CCBE1: variants seen among roughly 807,000 people sequenced by gnomAD.
CCBE1 encodes the protein collagen and calcium-binding EGF domain-containing protein 1.
A neutral mutation model predicts 50.0 loss-of-function variants in CCBE1; 37 were observed. The ratio of observed to expected loss-of-function variants is 0.74; its 90% CI spans 0.57 to 0.97. The LOEUF (loss-of-function observed/expected upper bound fraction) is 0.97, where lower values mean the gene tolerates loss of function less well. CCBE1 is among the 50% of genes least tolerant of loss of function. The pLI is 0.00. For synonymous variants in CCBE1, 234 were observed against 203.7 expected, an observed-to-expected ratio of 1.15 and a Z score of -1.27; for missense variants, 538 against 523.8, an observed-to-expected ratio of 1.03 and a Z score of -0.26.
chr18:59,444,604 C>T (rs1173963361), intron 7 of CCBE1, among the ~76,000 whole-genome samples: 2 of 151,852 alleles, frequency 1.3e-5, no homozygotes, highest in Admixed American at 1.3e-4. Context: ...GTAGCCTCGA[C>T]CTCCTGGGCT....
At chr18:59,475,377 T>C (rs1912258009) in intron 3 of CCBE1, among the ~76,000 whole-genome samples, 1 of 152,196 alleles carries the variant, frequency 6.6e-6, no homozygotes, top group Non-Finnish European at 1.5e-5. Flanking sequence ...AATGGTTCGC[T>C]CCTGTATTTA....
chr18:59,666,832 G>C (rs75119971), intron 2 of CCBE1, among the ~76,000 whole-genome samples: 1,815 of 152,250 alleles, frequency 0.012, 32 homozygotes, highest in African/African-American at 0.042. Context: ...GGGTGTGGTG[G>C]TGCGTGCCTG....
intron 2 of CCBE1, among the ~76,000 whole-genome samples, chr18:59,598,779 C>CGG (rs2053390718): frequency 6.6e-6 from 1 of 152,176 alleles, no homozygotes; most frequent in Non-Finnish European, 1.5e-5. Flanking sequence ...AGCTGGAGAT[C>CGG]GGGCTCAATT....
intron 2 of CCBE1, among the ~76,000 whole-genome samples, chr18:59,633,208 G>A (rs2053872639): frequency 6.6e-6 from 1 of 152,114 alleles, no homozygotes; most frequent in East Asian, 1.9e-4. Context: ...AAGTATTTAT[G>A]CAATTACACA....
At chr18:59,602,775 G>A (rs1378942624) in intron 2 of CCBE1, among the ~76,000 whole-genome samples, 1 of 152,190 alleles carries the variant, frequency 6.6e-6, no homozygotes. Flanking sequence ...GCCTGAACAA[G>A]GGTTAAGTGC....
chr18:59,541,777 G>C (rs549952739), intron 2 of CCBE1, among the ~76,000 whole-genome samples: 1 of 152,220 alleles, frequency 6.6e-6, no homozygotes, highest in South Asian at 2.1e-4. Context: ...ATTGGTGAGG[G>C]GATGTGATGG....
intron 2 of CCBE1, among the ~76,000 whole-genome samples, chr18:59,492,144 CAAAAAAAAAAAAA>C (rs869190811): frequency 1.3e-5 from 1 of 78,424 alleles, no homozygotes; most frequent in Non-Finnish European, 2.4e-5. Flanking sequence ...GACTTTGTCT[CAAAAAAAAAAAAA>C]AAAAAAAAAA....
At chr18:59,460,512 T>G (rs1047072524) in intron 5 of CCBE1, among the ~76,000 whole-genome samples, 1 of 152,250 alleles carries the variant, frequency 6.6e-6, no homozygotes, top group East Asian at 1.9e-4. Context: ...CTTTTTGGCC[T>G]GTGACATTTC....
At chr18:59,457,017 C>A (rs1367465045) in intron 5 of CCBE1, among the ~76,000 whole-genome samples, 1 of 152,218 alleles carries the variant, frequency 6.6e-6, no homozygotes, top group African/African-American at 2.4e-5. Flanking sequence ...AGTTGCGTTT[C>A]CACAAGTGAC....
chr18:59,646,490 G>C (rs2054056787), intron 2 of CCBE1, among the ~76,000 whole-genome samples: 1 of 152,208 alleles, frequency 6.6e-6, no homozygotes, highest in African/African-American at 2.4e-5. Flanking sequence ...GTGAGAGACG[G>C]ATGAGGGTCT....
intron 2 of CCBE1, among the ~76,000 whole-genome samples, chr18:59,523,679 A>G (rs1012035362): frequency 1.3e-5 from 2 of 152,190 alleles, no homozygotes; most frequent in Non-Finnish European, 2.9e-5. Context: ...TTTGAAGACA[A>G]TCATGAGTAG....
chr18:59,465,176 G>T (rs1911681699), intron 5 of CCBE1, among the ~76,000 whole-genome samples: 1 of 152,186 alleles, frequency 6.6e-6, no homozygotes, highest in Non-Finnish European at 1.5e-5. Flanking sequence ...AAAGGCCCTT[G>T]ACATGTAGGC....
chr18:59,531,865 G>A (rs925576665), intron 2 of CCBE1, among the ~76,000 whole-genome samples: 3 of 152,164 alleles, frequency 2.0e-5, no homozygotes, highest in East Asian at 1.9e-4. Context: ...ACTCAAGACC[G>A]AAACAAGTAG....
chr18:59,648,551 C>CA (rs1315938105), intron 2 of CCBE1, among the ~76,000 whole-genome samples: 2 of 152,126 alleles, frequency 1.3e-5, no homozygotes, highest in Admixed American at 6.5e-5. Context: ...ACTAAAAACA[C>CA]AAAAATTAGT....
At chr18:59,460,398 T>C (rs528269053) in intron 5 of CCBE1, among the ~76,000 whole-genome samples, 5 of 152,332 alleles carry the variant, frequency 3.3e-5, no homozygotes, top group Admixed American at 3.3e-4. Context: ...CAAGAATCAC[T>C]CTCAATTCAT....
chr18:59,436,290 TG>T (rs11427032), intron 10 of CCBE1, 149 bp from the exon 11 acceptor site: 1 of 708,574 alleles, frequency 1.4e-6, no homozygotes. Context: ...TACAGGAGCC[TG>T]GGGGTCCTCC....
intron 2 of CCBE1, among the ~76,000 whole-genome samples, chr18:59,524,276 C>T (rs1011479740): frequency 6.6e-5 from 10 of 152,118 alleles, no homozygotes; most frequent in African/African-American, 1.9e-4. Context: ...GCCAAGATTG[C>T]GCCACTGCAC....
At chr18:59,488,106 T>C (rs1169228699) in intron 2 of CCBE1, among the ~76,000 whole-genome samples, 1 of 152,190 alleles carries the variant, frequency 6.6e-6, no homozygotes, top group Non-Finnish European at 1.5e-5. Flanking sequence ...AAATACGGCA[T>C]GATTCCACTT....
intron 5 of CCBE1, among the ~76,000 whole-genome samples, chr18:59,459,359 C>T (rs1163503133): frequency 6.6e-6 from 1 of 152,188 alleles, no homozygotes; most frequent in Non-Finnish European, 1.5e-5. Flanking sequence ...ATAATGTCAA[C>T]ATGGAGCTAC....
Sources: allele counts gnomAD v4.1 joint callset (sites outside exome capture counted in the v4.1 genomes callset), GRCh38; gene constraint gnomAD v4.1.1; transcripts MANE v1.5; gene names NCBI Gene and HGNC (gene_info 2026-07-23, HGNC 2026-07-21).